The following SCUBE1 variants were observed in gnomAD, a reference collection of about 807,000 sequenced individuals.
The protein encoded by SCUBE1 is signal peptide, CUB domain and EGF like domain containing 1.
A neutral mutation model predicts 124.4 loss-of-function variants in SCUBE1; 59 were observed. That is an observed-to-expected ratio of 0.47 (90% CI 0.38 to 0.59). The LOEUF is 0.59. Ranked by LOEUF, SCUBE1 falls within the 20% of genes least tolerant of loss-of-function variation. SCUBE1 has a pLI of 0.00. For missense variants in SCUBE1, 1,150 were observed against 1,371.2 expected, an observed-to-expected ratio of 0.84 and a Z score of 2.55; for synonymous variants, 545 against 550.9, an observed-to-expected ratio of 0.99 and a Z score of 0.15.
At position 43,281,517 on chromosome 22, in the gene SCUBE1, C is replaced by A. The variant is rs865853047; in HGVS notation, c.484+9529G>T. 1.9e-3 allele frequency among the ~76,000 whole-genome samples: 175 copies of A among 94,012 alleles called. 15 individuals carry two copies. The highest frequency in any genetic ancestry group is 6.9e-3 in the African/African-American group (159 of 23,154). 61.7% of individuals were successfully genotyped at this position (94,012 alleles called of 152,430 possible). A position where few individuals can be genotyped will look rare whatever the true frequency, so the allele number is the denominator to read the frequency against. ...ACCCTCCTGTCACCTCCTCCTCAGC[C>A]ACCCTCCTGTCACCTCCCTCAGTCA... is the stretch of plus-strand genomic sequence containing the variant. On this transcript the variant is annotated intron_variant, in intron 4 of 21. Transcript: ENST00000360835.
chr22:43,273,867 G>C (rs5759248), intron 4 of SCUBE1, among the ~76,000 whole-genome samples: 130,409 of 152,098 alleles, frequency 0.86, 56,417 homozygotes, highest in Non-Finnish European at 0.92. Flanking sequence ...GCCACCACGC[G>C]CAGCTTAAAA....
chr22:43,252,853 T>C (rs1212101332), intron 6 of SCUBE1, among the ~76,000 whole-genome samples: 4 of 150,740 alleles, frequency 2.7e-5, no homozygotes. Flanking sequence ...CCTCTATTAA[T>C]ACAACGTGGG....
Position 43,212,572 on chromosome 22 carries a change from A to G in SCUBE1, c.2074T>C (p.Phe692Leu), listed in dbSNP as rs1921615416. ...ECGGQCSPGFFSADGFKPCQA... is the reference protein window; with the variant it reads ...ECGGQCSPGFLSADGFKPCQA... Reference sequence around the variant, plus strand: ...CAGGGCTTGAAGCCATCGGCCGAGAAGAAGCCTGGAGAACACTGGCCTGAA... The same window carrying G: ...CAGGGCTTGAAGCCATCGGCCGAGAGGAAGCCTGGAGAACACTGGCCTGAA... Residue 692 changes from phenylalanine (F) to leucine (L), a missense_variant, in exon 17 of 22, where the codon TTC becomes CTC. This residue lies in a region of SCUBE1 where 757 missense variants were observed against 840.9 expected (regional missense o/e 0.90). Coordinates refer to ENST00000360835, the MANE Select transcript of SCUBE1 (RefSeq NM_173050.5). 1.3e-6 allele frequency: 2 copies of G among 1,566,382 alleles called. No individual in the cohort carries two copies. The highest frequency in any genetic ancestry group is 1.7e-6 in the Non-Finnish European group (2 of 1,157,026).
At chr22:43,303,336 G>A (rs1477608128) in intron 3 of SCUBE1, among the ~76,000 whole-genome samples, 1 of 152,248 alleles carries the variant, frequency 6.6e-6, no homozygotes, top group Non-Finnish European at 1.5e-5. Context: ...CCTGATCCCA[G>A]CCGCTTGGCC....
chr22:43,222,869 C>A, intron 11 of SCUBE1, 127 bp from the exon 12 acceptor site: 1 of 952,466 alleles, frequency 1.0e-6, no homozygotes, highest in Non-Finnish European at 1.6e-6. Flanking sequence ...CCAGTTTCTG[C>A]TACACAACCA....
rs1921552982 is a variant in SCUBE1 at position 43,211,511 on chromosome 22, T to G, written c.2222-428A>C. Among the ~76,000 whole-genome samples the G allele has an allele frequency of 6.8e-6, 1 of 147,238 alleles. No homozygotes were observed. Among genetic ancestry groups the G allele is most frequent in the African/African-American group, 2.5e-5 (1 of 39,620 alleles). On this transcript the variant is annotated intron_variant, in intron 17 of 21. Transcript: ENST00000360835. The surrounding 1 kb of genome is among the most constrained non-coding windows in gnomAD (Gnocchi z 4.5). ...GGGTGCCGGGGCGGGGGGCTAGAGA[T>G]GGGCAATTCTTTTTTTTTTTTTTTG...
rs79483804 is a variant in SCUBE1, at chr22:43,240,647, C to T, written c.728-1693G>A. Among the ~76,000 whole-genome samples, 345 of 152,346 alleles carry T rather than the reference C, an allele frequency of 2.3e-3. 2 individuals carry two copies. The highest frequency in any genetic ancestry group is 8.0e-3 in the African/African-American group (333 of 41,568). On this transcript the variant is annotated intron_variant, in intron 6 of 21. Transcript: ENST00000360835. ...CCGCACTCACACCTGGAAATAAGGA[C>T]GAGCCTTCTCTTCCAGGGCGGAGGT...
At chr22:43,281,479 T>TCCTCCTCAGCAA (rs1569010736) in intron 4 of SCUBE1, among the ~76,000 whole-genome samples, 6 of 89,834 alleles carry the variant, frequency 6.7e-5, no homozygotes, top group African/African-American at 4.2e-4. Flanking sequence ...TCCTGTCACC[T>TCCTCCTCAGCAA]CCCTCTTTGG....
chr22:43,334,085 C>T (rs1926985447), intron 2 of SCUBE1, among the ~76,000 whole-genome samples: 1 of 152,202 alleles, frequency 6.6e-6, no homozygotes, highest in Non-Finnish European at 1.5e-5. Flanking sequence ...CCAACCCCAG[C>T]CTTGGCAGAA....
At chr22:43,301,353 G>A (rs1925764896) in intron 3 of SCUBE1, among the ~76,000 whole-genome samples, 1 of 151,900 alleles carries the variant, frequency 6.6e-6, no homozygotes, top group Non-Finnish European at 1.5e-5. Context: ...TCCCTTTCCC[G>A]GCCACCAAGC....
chr22:43,261,568 G>A (rs1006357676), intron 5 of SCUBE1, among the ~76,000 whole-genome samples: 1 of 152,224 alleles, frequency 6.6e-6, no homozygotes, highest in Non-Finnish European at 1.5e-5. Context: ...ATCAGTGACT[G>A]TGGATGATGG....
At chr22:43,219,806 G>C (rs1469126699) in intron 14 of SCUBE1, among the ~76,000 whole-genome samples, 1 of 152,042 alleles carries the variant, frequency 6.6e-6, no homozygotes, top group Admixed American at 6.6e-5. Context: ...CCTCCCGTGG[G>C]GGGCAGACCT....
intron 21 of SCUBE1, among the ~76,000 whole-genome samples, chr22:43,206,148 CCA>C (rs1348781087): frequency 7.4e-6 from 1 of 134,246 alleles, no homozygotes; most frequent in Non-Finnish European, 1.6e-5. Flanking sequence ...CCTCCATTCA[CCA>C]CACACCCCCC....
intron 19 of SCUBE1, among the ~76,000 whole-genome samples, 167 bp downstream of exon 19, chr22:43,209,876 G>C (rs1921465144): frequency 6.6e-6 from 1 of 152,224 alleles, no homozygotes; most frequent in African/African-American, 2.4e-5. Context: ...AGACCCAAGT[G>C]GGTTTCAACC....
intron 2 of SCUBE1, among the ~76,000 whole-genome samples, chr22:43,328,129 C>T (rs1926786895): frequency 6.6e-6 from 1 of 152,162 alleles, no homozygotes; most frequent in Non-Finnish European, 1.5e-5. Context: ...TCCCACCAAA[C>T]CGATATGATG....
Position 43,343,274 on chromosome 22 carries a change from C to A in SCUBE1, c.-13G>T. On this transcript the variant is annotated 5_prime_UTR_variant, in exon 1 of 22. Transcript: ENST00000360835. ...CCGCCGCGCCCATGCTCAATGCGGG[C>A]CCCGCTGGGCGTGCGGGCGTGCGGG... The A allele has an allele frequency of 9.0e-7, 1 of 1,111,628 alleles. No homozygotes were observed. The allele number at this position is 1,111,628 out of a possible 1,614,324, so 68.9% of individuals were successfully genotyped here.
intron 3 of SCUBE1, among the ~76,000 whole-genome samples, chr22:43,296,786 A>AGG (rs1925578335): frequency 2.0e-5 from 3 of 151,554 alleles, no homozygotes; most frequent in Non-Finnish European, 4.4e-5. Flanking sequence ...ATGGCAGGCA[A>AGG]GGGAGCTGGG....
chr22:43,243,702 G>C (rs1383436119), intron 6 of SCUBE1, among the ~76,000 whole-genome samples: 1 of 152,252 alleles, frequency 6.6e-6, no homozygotes, highest in Non-Finnish European at 1.5e-5. Flanking sequence ...CATGCCGGCT[G>C]TGTGACCCCG....
At chr22:43,272,797 TGGAAA>T (rs952660365) in intron 4 of SCUBE1, among the ~76,000 whole-genome samples, 29 of 152,326 alleles carry the variant, frequency 1.9e-4, no homozygotes, top group Admixed American at 1.7e-3. Context: ...ATTGGTTTTC[TGGAAA>T]GCTAGAACTG....
Sources: allele counts gnomAD v4.1 joint callset (sites outside exome capture counted in the v4.1 genomes callset), GRCh38; gene constraint gnomAD v4.1.1; regional missense constraint gnomAD v4.1.1; non-coding constraint Gnocchi (gnomAD v3.1); transcripts MANE v1.5; gene names NCBI Gene and HGNC (gene_info 2026-07-23, HGNC 2026-07-21).